Variants in QRICH2 observed in about 807,000 individuals in gnomAD.
QRICH2 encodes glutamine rich 2.
A neutral mutation model predicts 168.3 loss-of-function variants in QRICH2; 119 were observed. The ratio of observed to expected loss-of-function variants is 0.71; its 90% confidence interval spans 0.61 to 0.82. QRICH2 has a LOEUF of 0.82. QRICH2 is among the 40% of genes least tolerant of loss of function. QRICH2 has a pLI of 0.00. For missense variants in QRICH2, 2,241 were observed against 2,491.6 expected, an observed-to-expected ratio of 0.90 and a Z score of 2.14; for synonymous variants, 894 against 951.2, an observed-to-expected ratio of 0.94 and a Z score of 1.11.
intron 5 of QRICH2, among the ~76,000 whole-genome samples, chr17:76,289,788 A>G (rs1472424464): frequency 6.6e-6 from 1 of 151,864 alleles, no homozygotes; most frequent in Non-Finnish European, 1.5e-5. Context: ...TAATAATACA[A>G]ATAATAATAC....
intron 5 of QRICH2, among the ~76,000 whole-genome samples, chr17:76,288,660 G>C (rs536448037): frequency 6.6e-6 from 1 of 151,828 alleles, no homozygotes; most frequent in Non-Finnish European, 1.5e-5. Flanking sequence ...AGCCGAGATC[G>C]CATCATTGCA....
At position 76,307,408 on chromosome 17, in the gene QRICH2, TG is replaced by T. The variant is rs2071006555; in HGVS notation, c.534+56del. 2 of 1,588,788 alleles carry T rather than the reference TG, an allele frequency of 1.3e-6. No homozygotes were observed. Among genetic ancestry groups the T allele is most frequent in the Admixed American group, 3.3e-5 (2 of 59,794 alleles). ...AGGGTGGTGGGGACTCGGCTAGGCC[TG>T]GAGGGCGGCCTGGAGGAGGCAGACG... On this transcript the variant is annotated intron_variant, in intron 1 of 18. Transcript: ENST00000680821. The surrounding 1 kb of genome is among the most constrained non-coding windows in gnomAD (Gnocchi z 5.3).
chr17:76,285,483 G>A (rs2070865995), intron 7 of QRICH2, among the ~76,000 whole-genome samples: 1 of 151,414 alleles, frequency 6.6e-6, no homozygotes, highest in Non-Finnish European at 1.5e-5. Flanking sequence ...GGCCAGGTTG[G>A]TCTCCAACTC....
At chr17:76,282,731 G>A (rs1371539266) in intron 7 of QRICH2, among the ~76,000 whole-genome samples, 1 of 152,176 alleles carries the variant, frequency 6.6e-6, no homozygotes, top group African/African-American at 2.4e-5. Flanking sequence ...CACCCCAAAT[G>A]AGAGTTCCCA....
At chr17:76,297,870 G>GTTTTTTTGTTTT (rs2070823391) in intron 3 of QRICH2, among the ~76,000 whole-genome samples, 2 of 79,476 alleles carry the variant, frequency 2.5e-5, no homozygotes, top group African/African-American at 1.1e-4. Context: ...TTAGGAATCT[G>GTTTTTTTGTTTT]TTTTTTTTTT....
intron 2 of QRICH2, 65 bp downstream of exon 2, chr17:76,304,817 A>G: frequency 8.8e-7 from 1 of 1,135,502 alleles, no homozygotes; most frequent in Non-Finnish European, 1.3e-6. Context: ...CCCTGGAGAG[A>G]GGGCCACACT....
chr17:76,303,328 C>G (rs2070935541), intron 3 of QRICH2, among the ~76,000 whole-genome samples: 1 of 152,174 alleles, frequency 6.6e-6, no homozygotes, highest in Non-Finnish European at 1.5e-5. Flanking sequence ...AAAAGCTTTA[C>G]TCTTCACCCT....
chr17:76,276,566 T>A (rs2070683133), intron 17 of QRICH2, 114 bp downstream of exon 17: 1 of 704,700 alleles, frequency 1.4e-6, no homozygotes, highest in Admixed American at 2.4e-5. Flanking sequence ...GTGAGGGGAA[T>A]GGAGAAGGAA....
In QRICH2 at chr17:76,291,001, C is replaced by T; in HGVS notation, c.3712+14G>A. The T allele has an allele frequency of 6.2e-7, 1 of 1,604,816 alleles. No individual in the cohort carries two copies. The highest frequency in any genetic ancestry group is 8.5e-7 in the Non-Finnish European group (1 of 1,173,402). On this transcript the variant is annotated intron_variant, in intron 4 of 18. Coordinates refer to ENST00000680821, the MANE Select transcript of QRICH2 (RefSeq NM_001388453.1). ...GAGACAATGGTTTCTCCTCTATCGG[C>T]AAGCGGCACCCACCCATCTGTGCCA...
rs147967940 is a variant in QRICH2, at chr17:76,297,118, CA to C, written c.706-3098del. Among the ~76,000 whole-genome samples, 685 of 152,304 alleles carry C rather than the reference CA, an allele frequency of 4.5e-3. 1 individual carries two copies. Among genetic ancestry groups the C allele is most frequent in the African/African-American group, 0.016 (661 of 41,562 alleles). The stretch of plus-strand genomic sequence containing the variant: ...TGAACACACCTATGGACCCACCTAA[CA>C]AATCATAAAATCATAAAAGCAAGGC... On this transcript the variant is annotated intron_variant, in intron 3 of 18. Transcript: ENST00000680821.
chr17:76,279,228 C>T (rs2070743714), intron 13 of QRICH2, 86 bp from the exon 14 acceptor site: 1 of 1,349,674 alleles, frequency 7.4e-7, no homozygotes, highest in South Asian at 1.3e-5. Context: ...ACCTTCCCAC[C>T]CGCCCCCGGC....
chr17:76,296,793 A>AT (rs1033771196), intron 3 of QRICH2, among the ~76,000 whole-genome samples: 19 of 151,822 alleles, frequency 1.3e-4, no homozygotes, highest in Non-Finnish European at 2.1e-4. Context: ...AAAAAAAAAA[A>AT]AAAAATAACC....
rs2070627689 is a variant in QRICH2 at position 76,274,154 on chromosome 17, C to T, written c.5589G>A (p.Glu1863=). 1.3e-6 allele frequency: 2 copies of T among 1,583,376 alleles called. No homozygotes were observed. The highest frequency in any genetic ancestry group is 2.3e-5 in the East Asian group (1 of 42,978). ...SSAAVANRGL[E]RHVDMPPGEG... is the part of the protein sequence containing the mutation. ...CCCCAGGAGGCATGTCCACGTGCCTCTCCAGCCCCCTGTTTGCCACCGCGG... is the reference window on the plus strand; with the variant it reads ...CCCCAGGAGGCATGTCCACGTGCCTTTCCAGCCCCCTGTTTGCCACCGCGG... The change falls in exon 19 of 19, where the codon GAG becomes GAA. Residue 1863 remains glutamate (E), a synonymous_variant. Coordinates refer to ENST00000680821, the MANE Select transcript of QRICH2 (RefSeq NM_001388453.1).
At chr17:76,308,486 A>C, upstream of QRICH2, 1 of 985,416 alleles carries the variant, frequency 1.0e-6, no homozygotes, top group Non-Finnish European at 1.2e-6. Flanking sequence ...GCGGGGCCAC[A>C]TAAGGAAAGA....
At position 76,293,279 on chromosome 17, in the gene QRICH2, C is replaced by G. The variant is rs144671527; in HGVS notation, c.1448G>C (p.Arg483Pro). 1 of 1,614,026 alleles carries G rather than the reference C, an allele frequency of 6.2e-7. No individual in the cohort carries two copies. The highest frequency in any genetic ancestry group is 8.5e-7 in the Non-Finnish European group (1 of 1,180,040). Reference sequence around the variant, plus strand: ...ATCCATGCCAAGTGGTTCCATACTGCGTTGGTCTGTGCCAGGAAATGTCAT... The same window carrying G: ...ATCCATGCCAAGTGGTTCCATACTGGGTTGGTCTGTGCCAGGAAATGTCAT... ...HGMTFPGTDQ[R>P]SMEPLGMDQR... Residue 483 changes from arginine (R) to proline (P), a missense_variant, in exon 4 of 19, where the codon CGC (arginine) becomes CCC (proline). This residue lies in a region of QRICH2 where 2,047 missense variants were observed against 2,303.8 expected (regional missense o/e 0.89). Coordinates refer to ENST00000680821, the MANE Select transcript of QRICH2 (RefSeq NM_001388453.1).
chr17:76,299,663 G>A (rs7212794), intron 3 of QRICH2, among the ~76,000 whole-genome samples: 2,310 of 151,946 alleles, frequency 0.015, 64 homozygotes, highest in African/African-American at 0.049. Context: ...TTTGAACCCA[G>A]GAGGTGAACG....
intron 14 of QRICH2, among the ~76,000 whole-genome samples, chr17:76,278,665 C>T (rs2070732597): frequency 6.6e-6 from 1 of 152,244 alleles, no homozygotes; most frequent in East Asian, 1.9e-4. Context: ...TCTGGCTGAG[C>T]TATACCGGAC....
Position 76,307,376 on chromosome 17 carries a change from C to A in QRICH2, c.534+89G>T, listed in dbSNP as rs1180390822. The stretch of plus-strand genomic sequence containing the variant: ...TCCCCTCCGTCCCCACCACCGCTCA[C>A]CCCTCCAGGGTGGTGGGGACTCGGC... On this transcript the variant is annotated intron_variant, in intron 1 of 18. Transcript: ENST00000680821. The surrounding 1 kb of genome is among the most constrained non-coding windows in gnomAD (Gnocchi z 5.3). The A allele has an allele frequency of 7.1e-7, 1 of 1,418,184 alleles. No homozygotes were observed. The highest frequency in any genetic ancestry group is 9.9e-7 in the Non-Finnish European group (1 of 1,009,078). The allele number at this position is 1,418,184 out of a possible 1,614,324, so 87.9% of individuals were successfully genotyped here. A position where few individuals can be genotyped will look rare whatever the true frequency, so the allele number is the denominator to read the frequency against.
rs199956022 is a variant in QRICH2, at chr17:76,291,843, C to T, written c.2884G>A (p.Val962Met). The T allele has an allele frequency of 1.9e-6, 3 of 1,614,166 alleles. No homozygotes were observed. In the East Asian group the frequency reaches 6.7e-5, roughly 36 times the overall value. Reference protein sequence around the residue: ...SQSGTYPRGLVQPGMDQYGLR... With the variant: ...SQSGTYPRGLMQPGMDQYGLR... Reference sequence around the variant, plus strand: ...CCATACTGATCCATTCCTGGCTGCACCAGACCACGTGGATATGTCCCAGAT... The same window carrying T: ...CCATACTGATCCATTCCTGGCTGCATCAGACCACGTGGATATGTCCCAGAT... The change falls in exon 4 of 19, where the codon GTG (valine) becomes ATG (methionine). Residue 962 changes from valine (V) to methionine (M), a missense_variant. Physicochemically the swap from Val to Met is conservative, Grantham distance 21. This residue lies in a region of QRICH2 where 2,047 missense variants were observed against 2,303.8 expected (regional missense o/e 0.89). Coordinates refer to ENST00000680821, the MANE Select transcript of QRICH2 (RefSeq NM_001388453.1).
Sources: allele counts gnomAD v4.1 joint callset (sites outside exome capture counted in the v4.1 genomes callset), GRCh38; gene constraint gnomAD v4.1.1; regional missense constraint gnomAD v4.1.1; non-coding constraint Gnocchi (gnomAD v3.1); transcripts MANE v1.5; gene names NCBI Gene and HGNC (gene_info 2026-07-23, HGNC 2026-07-21).